The following ADK variants were observed in gnomAD, a reference collection of about 807,000 sequenced individuals.
ADK encodes N6,N6-dimethyladenosine kinase.
ADK carries 24 observed loss-of-function variants against 44.7 expected under a neutral mutation model. The ratio of observed to expected loss-of-function variants is 0.54; its 90% confidence interval spans 0.39 to 0.76. The LOEUF (loss-of-function observed/expected upper bound fraction) is 0.76. Ranked by LOEUF, ADK falls within the 30% of genes least tolerant of loss-of-function variation. The probability of loss-of-function intolerance (pLI) is 0.00; values close to 1 mark genes in which losing one functional copy is unlikely to be tolerated. For missense variants in ADK, 321 were observed against 425.1 expected, an observed-to-expected ratio of 0.76 and a Z score of 2.15; for synonymous variants, 128 against 142.6, an observed-to-expected ratio of 0.90 and a Z score of 0.73.
At chr10:74,252,446 T>C (rs372748206) in intron 3 of ADK, among the ~76,000 whole-genome samples, 2 of 152,316 alleles carry the variant, frequency 1.3e-5, no homozygotes, top group African/African-American at 4.8e-5. Flanking sequence ...TTTATCTTTG[T>C]CTGAAGTAAA....
chr10:74,152,113 C>T (rs1271480945), intron 1 of ADK, among the ~76,000 whole-genome samples: 2 of 152,002 alleles, frequency 1.3e-5, no homozygotes, highest in Non-Finnish European at 2.9e-5. Context: ...TTTTTTCCAT[C>T]TTAAAATAGA....
intron 7 of ADK, among the ~76,000 whole-genome samples, chr10:74,586,932 C>CAT (rs148011577): frequency 0.043 from 6,428 of 151,214 alleles, 420 homozygotes; most frequent in African/African-American, 0.14. Context: ...TATACACACA[C>CAT]ATAAATTTTT....
intron 10 of ADK, among the ~76,000 whole-genome samples, chr10:74,684,917 C>A (rs1855736637): frequency 6.6e-6 from 1 of 152,164 alleles, no homozygotes. Context: ...AAAGCAGATT[C>A]TAAAATATTC....
chr10:74,561,180 G>A (rs541487249), intron 7 of ADK, among the ~76,000 whole-genome samples: 1 of 152,338 alleles, frequency 6.6e-6, no homozygotes, highest in East Asian at 1.9e-4. Context: ...GTCAAATGGA[G>A]TAAGTGGTCA....
intron 9 of ADK, among the ~76,000 whole-genome samples, chr10:74,640,377 G>A (rs1417776608): frequency 2.6e-5 from 4 of 152,238 alleles, no homozygotes; most frequent in Non-Finnish European, 5.9e-5. Context: ...AAGAGACTCG[G>A]CAGGACTCTT....
At chr10:74,429,773 A>G (rs1254308554) in intron 6 of ADK, among the ~76,000 whole-genome samples, 1 of 152,164 alleles carries the variant, frequency 6.6e-6, no homozygotes, top group Non-Finnish European at 1.5e-5. Flanking sequence ...ACTAAAAGCA[A>G]ATTCATCTAT....
chr10:74,673,333 C>G (rs1855251713), intron 10 of ADK, among the ~76,000 whole-genome samples: 1 of 152,220 alleles, frequency 6.6e-6, no homozygotes, highest in Admixed American at 6.5e-5. Flanking sequence ...TATGAATCAG[C>G]TGTTTAATAG....
intron 10 of ADK, among the ~76,000 whole-genome samples, chr10:74,704,781 T>C (rs866191209): frequency 6.6e-6 from 1 of 152,358 alleles, no homozygotes. Flanking sequence ...ATGTTGCTTA[T>C]AAGGCGTCTA....
chr10:74,520,128 T>A (rs1263361481), intron 6 of ADK, among the ~76,000 whole-genome samples: 1 of 152,028 alleles, frequency 6.6e-6, no homozygotes, highest in Non-Finnish European at 1.5e-5. Flanking sequence ...TTACCCATTA[T>A]TTTTAGATAA....
chr10:74,602,605 C>T (rs76477975), intron 9 of ADK, among the ~76,000 whole-genome samples: 2,890 of 152,218 alleles, frequency 0.019, 101 homozygotes, highest in African/African-American at 0.066. Context: ...GGAATGCTTA[C>T]AAGCTGGAAT....
intron 8 of ADK, among the ~76,000 whole-genome samples, chr10:74,596,148 T>A (rs1851919040): frequency 6.6e-6 from 1 of 151,708 alleles, no homozygotes; most frequent in Admixed American, 6.6e-5. Flanking sequence ...TATAGTTTTG[T>A]GATAAAAAAA....
intron 3 of ADK, among the ~76,000 whole-genome samples, chr10:74,310,935 T>G (rs1840414299): frequency 6.6e-6 from 1 of 152,160 alleles, no homozygotes; most frequent in Non-Finnish European, 1.5e-5. Context: ...TTGCTCTTGT[T>G]TTTTATTCAG....
At position 74,708,482 on chromosome 10, in the gene ADK, A is replaced by G. The variant is rs751513865; in HGVS notation, c.*37A>G. ...AAAACACAAGCCCAGGAGTGCAGAC[A>G]CTGCCCTAATTGCTTCCTGAGAATT... On this transcript the variant is annotated 3_prime_UTR_variant, in exon 11 of 11. Transcript: ENST00000539909. The G allele has an allele frequency of 1.2e-6, 2 of 1,604,008 alleles. No homozygotes were observed. The highest frequency in any genetic ancestry group is 1.7e-6 in the Non-Finnish European group (2 of 1,176,640).
chr10:74,345,622 T>C (rs1182847399), intron 4 of ADK, among the ~76,000 whole-genome samples: 2 of 152,188 alleles, frequency 1.3e-5, no homozygotes, highest in African/African-American at 4.8e-5. Flanking sequence ...TGATATATTT[T>C]TCCACCCGTA....
intron 9 of ADK, among the ~76,000 whole-genome samples, chr10:74,616,910 G>A (rs1217959493): frequency 6.6e-6 from 1 of 151,864 alleles, no homozygotes; most frequent in Non-Finnish European, 1.5e-5. Context: ...TCTTTTCAGT[G>A]TAAAGGTCTT....
intron 1 of ADK, among the ~76,000 whole-genome samples, chr10:74,173,495 A>G (rs1296731382): frequency 6.7e-6 from 1 of 149,680 alleles, no homozygotes; most frequent in African/African-American, 2.5e-5. Flanking sequence ...CAGTGGAGCA[A>G]TCTCAGCTCA....
chr10:74,169,998 C>G (rs1275301623), intron 1 of ADK, among the ~76,000 whole-genome samples: 1 of 152,136 alleles, frequency 6.6e-6, no homozygotes, highest in Non-Finnish European at 1.5e-5. Context: ...GATTCGAATC[C>G]CTTCTCATTC....
intron 6 of ADK, among the ~76,000 whole-genome samples, chr10:74,447,730 A>G (rs1447740055): frequency 6.6e-6 from 1 of 152,216 alleles, no homozygotes. Flanking sequence ...ACTTACCTCA[A>G]AAAATGATAA....
chr10:74,629,542 C>A (rs1034142831), intron 9 of ADK, among the ~76,000 whole-genome samples: 28 of 152,124 alleles, frequency 1.8e-4, no homozygotes, highest in African/African-American at 6.5e-4. Flanking sequence ...CTAAATTAAA[C>A]CACTGCTATG....
Sources: allele counts gnomAD v4.1 joint callset (sites outside exome capture counted in the v4.1 genomes callset), GRCh38; gene constraint gnomAD v4.1.1; transcripts MANE v1.5; gene names NCBI Gene and HGNC (gene_info 2026-07-23, HGNC 2026-07-21).